AGAP1: variants seen among roughly 807,000 people sequenced by gnomAD.
AGAP1 encodes arf-GAP with GTPase, ANK repeat and PH domain-containing protein 1.
In AGAP1, 29 loss-of-function variants were observed where a neutral mutation model predicts 105.3. The ratio of observed to expected loss-of-function variants is 0.28; its 90% CI spans 0.21 to 0.38. The LOEUF (loss-of-function observed/expected upper bound fraction) is 0.38. Among genes scored for constraint, AGAP1 ranks in the 10% least tolerant of loss-of-function variants. AGAP1 has a pLI of 1.00. For synonymous variants in AGAP1, 509 were observed against 485.9 expected, an observed-to-expected ratio of 1.05 and a Z score of -0.63; for missense variants, 998 against 1,165.1, an observed-to-expected ratio of 0.86 and a Z score of 2.09.
rs536997830 is a variant in AGAP1, at chr2:235,798,552, G to A, written c.801+666G>A. Among the ~76,000 whole-genome samples, 3 of 152,230 alleles carry A rather than the reference G, an allele frequency of 2.0e-5. No homozygotes were observed. In the South Asian group the frequency reaches 6.2e-4, roughly 32 times the overall value. ...TTGGGAAGCCAGTAAGTTATGGCAT[G>A]TATTGTCAGAGCCTGTCAAGGTACA... is the stretch of plus-strand genomic sequence containing the variant. On this transcript the variant is annotated intron_variant, in intron 7 of 17. Coordinates refer to ENST00000304032, the MANE Select transcript of AGAP1 (RefSeq NM_001037131.3).
Position 236,014,623 on chromosome 2 carries a change from C to T in AGAP1, c.1646-21938C>T, listed in dbSNP as rs1479926902. On this transcript the variant is annotated intron_variant, in intron 13 of 17. Coordinates refer to ENST00000304032, the MANE Select transcript of AGAP1 (RefSeq NM_001037131.3). This position sits in a 1 kb window ranked among gnomAD's most constrained non-coding sequence, Gnocchi z 6.3. ...GCCCTTCCTGAGTTCCTCTGTTCAC[C>T]GCAGGGGAGTTGGAGGGCTCAGCCC... 6.6e-5 allele frequency among the ~76,000 whole-genome samples: 10 copies of T among 152,182 alleles called. No homozygotes were observed. The highest frequency in any genetic ancestry group is 5.9e-4 in the Admixed American group (9 of 15,284).
chr2:235,940,332 T>TA (rs980706269), intron 12 of AGAP1, among the ~76,000 whole-genome samples: 4 of 152,038 alleles, frequency 2.6e-5, no homozygotes, highest in African/African-American at 9.7e-5. Flanking sequence ...ATTCACCTTT[T>TA]AAAAAAACAA....
chr2:235,538,629 C>A (rs908102034), intron 1 of AGAP1, among the ~76,000 whole-genome samples: 9 of 152,090 alleles, frequency 5.9e-5, no homozygotes, highest in African/African-American at 2.2e-4. Flanking sequence ...GTCTCCGCCA[C>A]GGAGACTGCT....
chr2:235,637,619 G>T (rs1298163670), intron 1 of AGAP1, among the ~76,000 whole-genome samples: 1 of 152,094 alleles, frequency 6.6e-6, no homozygotes, highest in Non-Finnish European at 1.5e-5. Context: ...AAGGTGGAAA[G>T]TTCGGACCAG....
chr2:235,693,265 G>T (rs1949826172), intron 1 of AGAP1, among the ~76,000 whole-genome samples: 1 of 152,194 alleles, frequency 6.6e-6, no homozygotes, highest in South Asian at 2.1e-4. Flanking sequence ...TGAAGGTGGT[G>T]GCACTGTGGC....
Position 235,864,321 on chromosome 2 carries a change from GC to G in AGAP1, c.1051-19022del, listed in dbSNP as rs2106527634. 6.6e-6 allele frequency among the ~76,000 whole-genome samples: 1 copy of G among 152,346 alleles called. No individual in the cohort carries two copies. The highest frequency in any genetic ancestry group is 2.1e-4 in the South Asian group (1 of 4,828). Reference sequence around the variant, plus strand: ...AGGGGTTCGGCTCACTCTGTGGCCGGCCTGGAGGCCTGGGTGTGCTTCCTAG... The same window carrying G: ...AGGGGTTCGGCTCACTCTGTGGCCGGCTGGAGGCCTGGGTGTGCTTCCTAG... On this transcript the variant is annotated intron_variant, in intron 9 of 17. Transcript: ENST00000304032. The surrounding 1 kb of genome is among the most constrained non-coding windows in gnomAD (Gnocchi z 5.0).
chr2:235,702,770 C>G lies in AGAP1; in HGVS notation c.164-6409C>G, dbSNP rs1265318262. ...GTACAAGTAGCACATGTGCCTGTCT[C>G]CAAGCAGGAACATCTCCTCCTGGCT... On this transcript the variant is annotated intron_variant, in intron 1 of 17. Transcript: ENST00000304032. Among the ~76,000 whole-genome samples, 5 of 151,886 alleles carry G rather than the reference C, an allele frequency of 3.3e-5. 1 individual carries two copies. Among genetic ancestry groups the G allele is most frequent in the Admixed American group, 3.3e-4 (5 of 15,238 alleles).
chr2:235,506,885 A>T (rs1048113511), intron 1 of AGAP1: 1 of 152,544 alleles, frequency 6.6e-6, no homozygotes, highest in African/African-American at 2.4e-5. Flanking sequence ...GTCTGCCCAC[A>T]GGGTATGGGC....
At chr2:235,858,097 C>A (rs1042719510) in intron 9 of AGAP1, among the ~76,000 whole-genome samples, 1 of 152,172 alleles carries the variant, frequency 6.6e-6, no homozygotes, top group Non-Finnish European at 1.5e-5. Context: ...TGTATAAATT[C>A]AAATTGAACA....
rs148535200 is a variant in AGAP1 at position 235,586,846 on chromosome 2, T to C, written c.163+91997T>C. ...GGGGAAGACCTGAGTGAGGGAGCTT[T>C]CTTGAGGACGGGTTTTGTCGGAGTG... On this transcript the variant is annotated intron_variant, in intron 1 of 17. Coordinates refer to ENST00000304032, the MANE Select transcript of AGAP1 (RefSeq NM_001037131.3). This position sits in a 1 kb window ranked among gnomAD's most constrained non-coding sequence, Gnocchi z 4.2. Among the ~76,000 whole-genome samples the C allele has an allele frequency of 3.7e-3, 560 of 152,302 alleles. 1 individual carries two copies. The highest frequency in any genetic ancestry group is 0.034 in the Middle Eastern group (10 of 294).
intron 5 of AGAP1, among the ~76,000 whole-genome samples, chr2:235,746,599 C>G (rs1952974284): frequency 6.6e-6 from 1 of 151,850 alleles, no homozygotes; most frequent in Non-Finnish European, 1.5e-5. Flanking sequence ...GAGGTGGCAT[C>G]TTGAAAATGC....
In AGAP1 at chr2:236,031,358, A is replaced by G. The variant is rs2057218691; in HGVS notation, c.1646-5203A>G. On this transcript the variant is annotated intron_variant, in intron 13 of 17. Transcript: ENST00000304032. The stretch of plus-strand genomic sequence containing the variant: ...AGAACTATAGTTGCACAGTGAGAAG[A>G]TGGCAGGCACGCCACGGGCACCCCT... 2.0e-5 allele frequency among the ~76,000 whole-genome samples: 3 copies of G among 152,176 alleles called. No individual in the cohort carries two copies. The South Asian group carries it at 6.2e-4, about 32-fold the overall frequency.
At chr2:235,896,708 A>G (rs1268402450) in intron 10 of AGAP1, among the ~76,000 whole-genome samples, 1 of 152,248 alleles carries the variant, frequency 6.6e-6, no homozygotes, top group Non-Finnish European at 1.5e-5. Flanking sequence ...CCTGTTTGAA[A>G]GAATGTGATC....
chr2:236,102,160 G>C (rs1280985003), intron 16 of AGAP1, among the ~76,000 whole-genome samples: 1 of 152,168 alleles, frequency 6.6e-6, no homozygotes, highest in African/African-American at 2.4e-5. Flanking sequence ...GCTCACGCCT[G>C]TAATCCCAGC....
rs1190891305 is a variant in AGAP1, at chr2:235,960,879, A to G, written c.1484-7583A>G. On this transcript the variant is annotated intron_variant, in intron 12 of 17. Coordinates refer to ENST00000304032, the MANE Select transcript of AGAP1 (RefSeq NM_001037131.3). The surrounding 1 kb of genome is among the most constrained non-coding windows in gnomAD (Gnocchi z 4.9). ...CCAAATGGTTGGAAACTCATAGGAC[A>G]GTGGTTTGGCACAAAAGCGTGCTTG... 6.6e-6 allele frequency among the ~76,000 whole-genome samples: 1 copy of G among 152,174 alleles called. No individual in the cohort carries two copies. Among genetic ancestry groups the G allele is most frequent in the East Asian group, 1.9e-4 (1 of 5,178 alleles).
rs1187775902 is a variant in AGAP1, at chr2:235,957,314, ATTC to A, written c.1484-11143_1484-11141del. The stretch of plus-strand genomic sequence containing the variant: ...TAATTGAAAATGGCCCAAGTAGGCA[ATTC>A]TTCTCTCCTGTGTGTTCTCTTGGTT... On this transcript the variant is annotated intron_variant, in intron 12 of 17. Transcript: ENST00000304032. The surrounding 1 kb of genome is among the most constrained non-coding windows in gnomAD (Gnocchi z 4.6). Among the ~76,000 whole-genome samples, 2 of 152,176 alleles carry A rather than the reference ATTC, an allele frequency of 1.3e-5. No individual in the cohort carries two copies. The highest frequency in any genetic ancestry group is 4.8e-5 in the African/African-American group (2 of 41,450).
At chr2:236,118,102 C>A (rs1448844379) in intron 16 of AGAP1, among the ~76,000 whole-genome samples, 1 of 152,200 alleles carries the variant, frequency 6.6e-6, no homozygotes, top group South Asian at 2.1e-4. Flanking sequence ...AGGGCTAACC[C>A]GACACTAGAT....
At chr2:235,856,839 G>T (rs1054427122) in intron 9 of AGAP1, among the ~76,000 whole-genome samples, 1 of 152,254 alleles carries the variant, frequency 6.6e-6, no homozygotes, top group African/African-American at 2.4e-5. Context: ...AGACCTGAAG[G>T]CCTCCTGCAA....
Position 236,051,398 on chromosome 2 carries a change from G to C in AGAP1, c.2114+2117G>C, listed in dbSNP as rs1385314993. Among the ~76,000 whole-genome samples the C allele has an allele frequency of 6.6e-6, 1 of 152,184 alleles. No individual in the cohort carries two copies. Among genetic ancestry groups the C allele is most frequent in the Non-Finnish European group, 1.5e-5 (1 of 68,036 alleles). The stretch of plus-strand genomic sequence containing the variant: ...CTCTCAGGGCTGCCTGAGGATGCCA[G>C]GGCTCGGGAGGGTGCATTCTGGGAG... On this transcript the variant is annotated intron_variant, in intron 16 of 17. Coordinates refer to ENST00000304032, the MANE Select transcript of AGAP1 (RefSeq NM_001037131.3). This position sits in a 1 kb window ranked among gnomAD's most constrained non-coding sequence, Gnocchi z 5.9.
Sources: gnomAD v4.1 joint callset for allele counts (sites outside exome capture counted in the v4.1 genomes callset) on GRCh38, gnomAD v4.1.1 for gene constraint, Gnocchi (gnomAD v3.1) non-coding constraint, MANE v1.5 for transcripts, NCBI Gene and HGNC (gene_info 2026-07-23, HGNC 2026-07-21) for gene names.